LRBA: variants seen among roughly 807,000 people sequenced by gnomAD.
The protein encoded by LRBA is LPS responsive beige-like anchor protein.
LRBA carries 176 observed loss-of-function variants against 330.0 expected under a neutral mutation model. The ratio of observed to expected loss-of-function variants is 0.53; its 90% confidence interval spans 0.47 to 0.60. The LOEUF is 0.60. Among genes scored for constraint, LRBA ranks in the 20% least tolerant of loss-of-function variants. The pLI is 0.00. For synonymous variants in LRBA, 1,230 were observed against 1,193.0 expected (o/e 1.03, Z -0.64); for missense variants, 3,259 against 3,444.8 (o/e 0.95, Z 1.35).
intron 36 of LRBA, among the ~76,000 whole-genome samples, chr4:150,719,933 G>A (rs1056589474): frequency 1.3e-5 from 2 of 152,134 alleles, no homozygotes; most frequent in Admixed American, 1.3e-4. Flanking sequence ...AGTCTAATGA[G>A]ATAGAATGAA....
intron 29 of LRBA, among the ~76,000 whole-genome samples, chr4:150,829,091 C>A (rs958933964): frequency 6.6e-6 from 1 of 151,914 alleles, no homozygotes; most frequent in African/African-American, 2.4e-5. Context: ...TGTGCTACCA[C>A]GTCTGGCTAA....
Position 150,265,890 on chromosome 4 carries a change from T to G in LRBA, c.8469-78A>C, listed in dbSNP as rs376997987. ...GTTACTAAAAACTGCTCTCCCCAAA[T>G]CCACAAGGTAAATATAGAAGCTGGC... On this transcript the variant is annotated intron_variant, in intron 56 of 56. Transcript: ENST00000651943. 1.5e-5 allele frequency: 13 copies of G among 853,406 alleles called. No individual in the cohort carries two copies. In the African/African-American group the frequency reaches 2.2e-4, roughly 14 times the overall value. The allele number at this position is 853,406 out of a possible 1,614,324, so 52.9% of individuals were successfully genotyped here.
chr4:150,996,138 T>C (rs1289152552), intron 2 of LRBA, among the ~76,000 whole-genome samples: 1 of 151,230 alleles, frequency 6.6e-6, no homozygotes, highest in Non-Finnish European at 1.5e-5. Context: ...ACTTGGGCAT[T>C]AATTGGTAAT....
At chr4:150,979,101 C>G (rs1324266023) in intron 2 of LRBA, among the ~76,000 whole-genome samples, 1 of 152,052 alleles carries the variant, frequency 6.6e-6, no homozygotes, top group Non-Finnish European at 1.5e-5. Flanking sequence ...TAATCAAACT[C>G]CCAAAGATCA....
intron 36 of LRBA, among the ~76,000 whole-genome samples, chr4:150,706,515 A>G (rs926738792): frequency 2.0e-5 from 3 of 151,648 alleles, no homozygotes; most frequent in African/African-American, 7.2e-5. Flanking sequence ...ACATATGGGA[A>G]TTCCTTTATA....
intron 48 of LRBA, among the ~76,000 whole-genome samples, chr4:150,347,206 G>A (rs562378476): frequency 4.9e-4 from 75 of 152,190 alleles, no homozygotes; most frequent in Non-Finnish European, 5.3e-4. Flanking sequence ...TAATTGTACA[G>A]GGACTGGGGA....
intron 2 of LRBA, among the ~76,000 whole-genome samples, chr4:150,983,816 G>A (rs1169963803): frequency 6.6e-6 from 1 of 151,702 alleles, no homozygotes; most frequent in Non-Finnish European, 1.5e-5. Context: ...AAGAATTAGA[G>A]ACCAGTTACC....
chr4:150,580,295 G>GTT lies in LRBA; in HGVS notation c.6330+7751_6330+7752dup, dbSNP rs70941416. On this transcript the variant is annotated intron_variant, in intron 40 of 56. Transcript: ENST00000651943. ...AACCCTAAGCAACAAATCCGAGATA[G>GTT]TTTTTTTTTAAGCAAATATTCCTTA... 4.9e-4 allele frequency: 74 copies of GTT among 151,354 alleles called. 1 individual carries two copies. In the South Asian group the frequency reaches 9.2e-3, roughly 19 times the overall value. The allele number at this position is 151,354 out of a possible 1,614,324, so 9.4% of individuals were successfully genotyped here. A position where few individuals can be genotyped will look rare whatever the true frequency, so the allele number is the denominator to read the frequency against.
intron 31 of LRBA, among the ~76,000 whole-genome samples, chr4:150,811,874 G>C (rs1449196063): frequency 3.3e-5 from 5 of 152,048 alleles, no homozygotes. Context: ...AAGCAACATT[G>C]TTACTTCTAA....
At chr4:150,497,306 A>T (rs1288959060) in intron 40 of LRBA, among the ~76,000 whole-genome samples, 1 of 152,156 alleles carries the variant, frequency 6.6e-6, no homozygotes, top group Non-Finnish European at 1.5e-5. Context: ...TGGTTTTAAA[A>T]TTCAAGGATA....
intron 29 of LRBA, among the ~76,000 whole-genome samples, chr4:150,830,052 A>C (rs775692320): frequency 3.3e-5 from 5 of 152,150 alleles, no homozygotes; most frequent in Non-Finnish European, 5.9e-5. Flanking sequence ...TACCAACCTA[A>C]TCCAACCCAC....
At position 150,490,982 on chromosome 4, in the gene LRBA, T is replaced by C; in HGVS notation, c.6384A>G (p.Arg2128=). Residue 2128 remains arginine (R), a synonymous_variant, in exon 41 of 57, where the codon CGA becomes CGG. Transcript: ENST00000651943. ...AAAGATAACGACGAGAAAAGATTGA[T>C]CGTATCTCTGTGAACAGCCATTTTC... is the stretch of plus-strand genomic sequence containing the variant. The part of the protein sequence containing the change: ...LHGKWLFTEI[R]SIFSRRYLLQ... The C allele has an allele frequency of 2.5e-6, 4 of 1,610,090 alleles. No homozygotes were observed. Among genetic ancestry groups the C allele is most frequent in the Non-Finnish European group, 3.4e-6 (4 of 1,177,456 alleles).
chr4:150,931,980 C>T (rs896441188), intron 2 of LRBA, among the ~76,000 whole-genome samples: 2 of 151,796 alleles, frequency 1.3e-5, no homozygotes, highest in South Asian at 2.1e-4. Flanking sequence ...GAGACCAAGG[C>T]GGGAGAGTCA....
chr4:150,647,541 A>G (rs1361984337), intron 37 of LRBA, among the ~76,000 whole-genome samples: 1 of 151,326 alleles, frequency 6.6e-6, no homozygotes, highest in African/African-American at 2.4e-5. Flanking sequence ...CCACAGGTGC[A>G]TACCAACATA....
chr4:150,440,546 C>T (rs1001719834), intron 44 of LRBA, among the ~76,000 whole-genome samples: 2 of 152,034 alleles, frequency 1.3e-5, no homozygotes, highest in Middle Eastern at 6.3e-3. Flanking sequence ...CAGGCTGAAG[C>T]AGGAGAATAA....
chr4:150,770,996 A>G (rs1277013263), intron 34 of LRBA, among the ~76,000 whole-genome samples: 4 of 152,216 alleles, frequency 2.6e-5, no homozygotes, highest in Non-Finnish European at 4.4e-5. Context: ...TCTTAGCATG[A>G]TAACTCCATT....
chr4:150,429,684 C>T (rs1179380149), intron 46 of LRBA, among the ~76,000 whole-genome samples: 1 of 152,022 alleles, frequency 6.6e-6, no homozygotes, highest in African/African-American at 2.4e-5. Flanking sequence ...TCCTGCATCC[C>T]TTAAGATACA....
intron 15 of LRBA, among the ~76,000 whole-genome samples, chr4:150,896,748 A>G (rs1448839531): frequency 6.6e-6 from 1 of 152,060 alleles, no homozygotes; most frequent in African/African-American, 2.4e-5. Context: ...AGTAATGATA[A>G]CTTAAAAAGT....
rs781718838 is a variant in LRBA at position 150,852,868 on chromosome 4, C to T, written c.2842G>A (p.Gly948Arg). ...EQQGKVDEEI[G>R]LCSSTSVQAA... Reference sequence around the variant, plus strand: ...TGAACTGAAGTTGAAGAACACAGCCCTATTTCTTCATCAACTTTTCCTTGC... The same window carrying T: ...TGAACTGAAGTTGAAGAACACAGCCTTATTTCTTCATCAACTTTTCCTTGC... The change falls in exon 23 of 57, where the codon GGG becomes AGG. Residue 948 changes from glycine (G) to arginine (R), a missense_variant. Coordinates refer to ENST00000651943, the MANE Select transcript of LRBA (RefSeq NM_001364905.1). 4.3e-6 allele frequency: 7 copies of T among 1,610,768 alleles called. No homozygotes were observed. The highest frequency in any genetic ancestry group is 5.1e-6 in the Non-Finnish European group (6 of 1,178,462).
Sources: gnomAD v4.1 joint callset for allele counts (sites outside exome capture counted in the v4.1 genomes callset) on GRCh38, gnomAD v4.1.1 for gene constraint, MANE v1.5 for transcripts, NCBI Gene and HGNC (gene_info 2026-07-23, HGNC 2026-07-21) for gene names.